SERAC1: variants seen among roughly 807,000 people sequenced by gnomAD.
SERAC1 encodes the protein serine active site containing 1.
In SERAC1, 36 loss-of-function variants were observed where a neutral mutation model predicts 85.7. The observed-to-expected ratio is 0.42, with a 90% confidence interval of 0.32 to 0.55. The LOEUF is 0.55. Among genes scored for constraint, SERAC1 ranks in the 20% least tolerant of loss-of-function variants. The pLI is 0.11. For missense variants in SERAC1, 629 were observed against 796.2 expected (o/e 0.79, Z 2.53); for synonymous variants, 242 against 265.3 (o/e 0.91, Z 0.85).
intron 3 of SERAC1, among the ~76,000 whole-genome samples, chr6:158,154,053 G>C (rs1167429689): frequency 6.6e-6 from 1 of 150,696 alleles, no homozygotes; most frequent in Non-Finnish European, 1.5e-5. Context: ...CCAGCTATTT[G>C]GGAGGCTGAG....
chr6:158,143,262 C>T, intron 7 of SERAC1, 78 bp from the exon 8 acceptor site: 2 of 1,532,804 alleles, frequency 1.3e-6, no homozygotes, highest in Non-Finnish European at 8.8e-7. Context: ...GACTCAAAGC[C>T]AATATTTGCC....
At chr6:158,136,482 G>T (rs1487145622) in intron 8 of SERAC1, among the ~76,000 whole-genome samples, 1 of 152,066 alleles carries the variant, frequency 6.6e-6, no homozygotes, top group Non-Finnish European at 1.5e-5. Flanking sequence ...CTGTACGTGA[G>T]GAGTTTTGTT....
chr6:158,134,221 T>C (rs927114411), intron 8 of SERAC1, among the ~76,000 whole-genome samples: 3 of 152,166 alleles, frequency 2.0e-5, no homozygotes, highest in African/African-American at 7.2e-5. Flanking sequence ...AAAAGGTACA[T>C]ATTGAATGGA....
At chr6:158,127,328 A>G in intron 10 of SERAC1, among the ~76,000 whole-genome samples, 1 of 4,012 alleles carries the variant, frequency 2.5e-4, no homozygotes, top group Non-Finnish European at 5.2e-4. Flanking sequence ...CTGGGAAGTG[A>G]GGAGCCCCTC....
Position 158,117,323 on chromosome 6 carries a change from G to GT in SERAC1, c.1403+403_1403+404insA. 1 of 601,620 alleles carries GT rather than the reference G, an allele frequency of 1.7e-6. No homozygotes were observed. The highest frequency in any genetic ancestry group is 2.9e-6 in the Non-Finnish European group (1 of 345,504). The allele number at this position is 601,620 out of a possible 1,614,324, so 37.3% of individuals were successfully genotyped here. A position where few individuals can be genotyped will look rare whatever the true frequency, so the allele number is the denominator to read the frequency against. On this transcript the variant is annotated intron_variant, in intron 13 of 16. Coordinates refer to ENST00000647468, the MANE Select transcript of SERAC1 (RefSeq NM_032861.4). This position sits in a 1 kb window ranked among gnomAD's most constrained non-coding sequence, Gnocchi z 4.3. ...AGCACTCCTTCCCATGTATACAACT[G>GT]GCACAGATGACATACAAGGGAAATA...
intron 1 of SERAC1, chr6:158,161,168 G>C (rs897090334): frequency 2.0e-5 from 3 of 152,150 alleles, no homozygotes; most frequent in South Asian, 2.1e-4. Flanking sequence ...TTGAGCCCAG[G>C]AGCTCTAGGC....
At chr6:158,140,037 T>A (rs1784879457) in intron 8 of SERAC1, among the ~76,000 whole-genome samples, 1 of 152,152 alleles carries the variant, frequency 6.6e-6, no homozygotes, top group Admixed American at 6.6e-5. Context: ...GAAATTCCAC[T>A]CCTAGGTATA....
intron 5 of SERAC1, among the ~76,000 whole-genome samples, chr6:158,147,768 C>CAAAAAAAAA (rs71027383): frequency 2.0e-4 from 14 of 68,946 alleles, no homozygotes; most frequent in African/African-American, 3.5e-4. Context: ...GGCTCTGTCT[C>CAAAAAAAAA]AAAAAAAAAA....
chr6:158,156,989 A>G (rs1785368311), intron 2 of SERAC1, among the ~76,000 whole-genome samples: 1 of 101,170 alleles, frequency 9.9e-6, no homozygotes, highest in African/African-American at 3.6e-5. Context: ...TAATAAATAC[A>G]TATAAACTAT....
At chr6:158,146,954 G>A (rs765612967) in intron 5 of SERAC1, 41 bp from the exon 6 acceptor site, 8 of 1,594,730 alleles carry the variant, frequency 5.0e-6, no homozygotes, top group South Asian at 1.1e-5. Context: ...GAAAAGTTAA[G>A]ATAATACTTT....
chr6:158,115,449 C>T (rs917302080), intron 14 of SERAC1, among the ~76,000 whole-genome samples: 1 of 152,168 alleles, frequency 6.6e-6, no homozygotes, highest in South Asian at 2.1e-4. Context: ...CCCCCTGCCC[C>T]GGCTTTGGAA....
chr6:158,164,135 C>A (rs1334940703), intron 1 of SERAC1, among the ~76,000 whole-genome samples: 1 of 152,064 alleles, frequency 6.6e-6, no homozygotes, highest in Non-Finnish European at 1.5e-5. Context: ...CTTGGTACTT[C>A]CACATAATTT....
At chr6:158,133,852 GA>G (rs1001462129) in intron 8 of SERAC1, among the ~76,000 whole-genome samples, 19 of 151,008 alleles carry the variant, frequency 1.3e-4, no homozygotes, top group East Asian at 1.9e-4. Context: ...AACTTGGATG[GA>G]AAAAAAAATT....
intron 8 of SERAC1, among the ~76,000 whole-genome samples, chr6:158,134,009 C>T (rs143458251): frequency 4.4e-4 from 67 of 152,294 alleles, no homozygotes; most frequent in African/African-American, 1.6e-3. Context: ...TCTCATGTTG[C>T]AGCTATCTGA....
chr6:158,120,441 G>A lies in SERAC1; in HGVS notation c.1150C>T (p.Pro384Ser), dbSNP rs1784390889. The A allele has an allele frequency of 6.2e-7, 1 of 1,612,046 alleles. No individual in the cohort carries two copies. The highest frequency in any genetic ancestry group is 1.3e-5 in the African/African-American group (1 of 74,970). ...KYQDGVYVLH[P>S]QYRTSQPIKA... ...CTTCCTTACCTTGTTCGATATTGGG[G>A]ATGCAGCACATATACGCCATCCTGA... Residue 384 changes from proline (P) to serine (S), a missense_variant, in exon 11 of 17, where the codon CCC (proline) becomes TCC (serine). By Grantham distance (74) the Pro-to-Ser change is moderately conservative (BLOSUM62 -1). Transcript: ENST00000647468. The surrounding 1 kb of genome is among the most constrained non-coding windows in gnomAD (Gnocchi z 4.4).
chr6:158,111,734 G>GT (rs1784148474), intron 16 of SERAC1: 2 of 344,230 alleles, frequency 5.8e-6, no homozygotes, highest in Non-Finnish European at 5.3e-6. Flanking sequence ...TGAACTTTTC[G>GT]TATGTGTTCT....
In SERAC1 at chr6:158,155,157, A is replaced by G. The variant is rs6909449; in HGVS notation, c.128+158T>C. On this transcript the variant is annotated intron_variant, in intron 3 of 16. Coordinates refer to ENST00000647468, the MANE Select transcript of SERAC1 (RefSeq NM_032861.4). ...CCTCAGAAAGTAAGGAAACCACATC[A>G]TGACAACATTTAAGTGGTGGGATCA... Among the ~76,000 whole-genome samples the G allele has an allele frequency of 0.035, 5,327 of 152,290 alleles. 296 individuals are homozygous for G. The highest frequency in any genetic ancestry group is 0.12 in the African/African-American group (5,025 of 41,542).
chr6:158,114,411 A>T, intron 15 of SERAC1: 1 of 878,070 alleles, frequency 1.1e-6, no homozygotes. Flanking sequence ...AGAGTACTTT[A>T]AAATTAATAC....
At chr6:158,152,906 A>C (rs1202786347) in intron 3 of SERAC1, 2 of 152,130 alleles carry the variant, frequency 1.3e-5, no homozygotes, top group African/African-American at 4.8e-5. Context: ...ACCTAACAAC[A>C]CATTACTCAG....
Sources: gnomAD v4.1 joint callset for allele counts (sites outside exome capture counted in the v4.1 genomes callset) on GRCh38, gnomAD v4.1.1 for gene constraint, Gnocchi (gnomAD v3.1) non-coding constraint, MANE v1.5 for transcripts, NCBI Gene and HGNC (gene_info 2026-07-23, HGNC 2026-07-21) for gene names.